The following PCDHGA10 variants were observed in gnomAD, a reference collection of about 807,000 sequenced individuals.
PCDHGA10 encodes the protein protocadherin gamma subfamily A, 10, also known as protocadherin gamma-A10.
Under a neutral mutation model 59.5 loss-of-function variants are expected in PCDHGA10, and 42 were observed. The observed-to-expected ratio is 0.71, with a 90% CI of 0.55 to 0.91. PCDHGA10 has a LOEUF of 0.91. Among genes scored for constraint, PCDHGA10 ranks in the 40% least tolerant of loss-of-function variants. The probability of loss-of-function intolerance (pLI) is 0.00; values close to 1 mark genes in which losing one functional copy is unlikely to be tolerated. For synonymous variants in PCDHGA10, 511 were observed against 517.2 expected (o/e 0.99, Z 0.16); for missense variants, 1,111 against 1,198.2 (o/e 0.93, Z 1.07).
At position 141,477,372 on chromosome 5, in the gene PCDHGA10, CTG is replaced by C; in HGVS notation, c.2437-17432_2437-17431del. On this transcript the variant is annotated intron_variant, in intron 1 of 3. Transcript: ENST00000398610. This position sits in a 1 kb window ranked among gnomAD's most constrained non-coding sequence, Gnocchi z 4.9. ...ACCAGTGCAGACCTGGATCGGGAGA[CTG>C]TGCCAGAATACAACCTCAGCATCAC... The C allele has an allele frequency of 6.2e-7, 1 of 1,614,154 alleles. No homozygotes were observed. The highest frequency in any genetic ancestry group is 8.5e-7 in the Non-Finnish European group (1 of 1,180,030).
intron 1 of PCDHGA10, chr5:141,478,531 C>G (rs771145308): frequency 1.2e-6 from 2 of 1,608,190 alleles, no homozygotes; most frequent in East Asian, 2.2e-5. Context: ...GTGCAGAGAG[C>G]GCCCCTCCCG....
chr5:141,434,474 A>G (rs979175338), intron 1 of PCDHGA10, among the ~76,000 whole-genome samples: 2 of 152,222 alleles, frequency 1.3e-5, no homozygotes, highest in Non-Finnish European at 2.9e-5. Context: ...GAATGAGGGC[A>G]AGGAACACCT....
At chr5:141,421,351 A>G in intron 1 of PCDHGA10, 2 of 1,613,988 alleles carry the variant, frequency 1.2e-6, no homozygotes, top group Non-Finnish European at 1.7e-6. Flanking sequence ...AGAGACCGAA[A>G]AGGGCTCCTT....
At chr5:141,501,600 C>G (rs1320824291) in intron 2 of PCDHGA10, among the ~76,000 whole-genome samples, 1 of 152,040 alleles carries the variant, frequency 6.6e-6, no homozygotes, top group Admixed American at 6.6e-5. Flanking sequence ...TCTACCAGTT[C>G]CAGCTGTGTG....
At chr5:141,458,319 T>C (rs2879229) in intron 1 of PCDHGA10, among the ~76,000 whole-genome samples, 84,591 of 151,864 alleles carry the variant, frequency 0.56, 26,265 homozygotes, top group African/African-American at 0.85. Flanking sequence ...CACAGACACA[T>C]GTGGAGTGGT....
chr5:141,479,574 T>A (rs1291334449), intron 1 of PCDHGA10: 1 of 152,228 alleles, frequency 6.6e-6, no homozygotes, highest in South Asian at 2.1e-4. Context: ...GGATGACATC[T>A]GTGAATAGCC....
In PCDHGA10 at chr5:141,413,412, C is replaced by T. The variant is rs747352426; in HGVS notation, c.237C>T (p.Phe79=). ...TCTCCAGAGGTAGGACGCAGCTTTT[C>T]TCTCTGAACCCGCGCAGCGGCAGCT... The part of the protein sequence containing the change: ...RIVSRGRTQL[F]SLNPRSGSLI... The change falls in exon 1 of 4, where the codon TTC becomes TTT. Residue 79 remains phenylalanine (F), a synonymous_variant. Transcript: ENST00000398610. 5.6e-6 allele frequency: 9 copies of T among 1,613,954 alleles called. No individual in the cohort carries two copies. The African/African-American group carries it at 1.2e-4, about 22-fold the overall frequency.
At chr5:141,465,150 G>A (rs192648619) in intron 1 of PCDHGA10, among the ~76,000 whole-genome samples, 474 of 151,492 alleles carry the variant, frequency 3.1e-3, no homozygotes, top group Middle Eastern at 0.024. Context: ...GATATATGAA[G>A]GGACTCTAAA....
intron 1 of PCDHGA10, among the ~76,000 whole-genome samples, chr5:141,447,123 T>G (rs1004463863): frequency 1.3e-5 from 2 of 152,160 alleles, no homozygotes; most frequent in Non-Finnish European, 2.9e-5. Flanking sequence ...CCATGGATTT[T>G]TTTGTTTGTT....
intron 1 of PCDHGA10, chr5:141,433,358 C>CCTATCTATCTATCTATCTATCTAT: frequency 9.9e-6 from 5 of 503,368 alleles, no homozygotes; most frequent in South Asian, 2.6e-5. Flanking sequence ...CTACTGTCTG[C>CCTATCTATCTATCTATCTATCTAT]CTATCTATCT....
At position 141,414,596 on chromosome 5, in the gene PCDHGA10, C is replaced by T; in HGVS notation, c.1421C>T (p.Ser474Phe). The T allele has an allele frequency of 6.2e-7, 1 of 1,613,962 alleles. No homozygotes were observed. The highest frequency in any genetic ancestry group is 8.5e-7 in the Non-Finnish European group (1 of 1,179,886). Residue 474 changes from serine (S) to phenylalanine (F), a missense_variant, in exon 1 of 4, where the codon TCC (serine) becomes TTC (phenylalanine). Ser to Phe is a radical substitution (Grantham distance 155, BLOSUM62 -2). Coordinates refer to ENST00000398610, the MANE Select transcript of PCDHGA10 (RefSeq NM_018913.3). ...CCAGAGAACAACGCCAGGGGTGCCTCCATCTTCTCAGTGACAGCGCTGGAC... is the reference window on the plus strand; with the variant it reads ...CCAGAGAACAACGCCAGGGGTGCCTTCATCTTCTCAGTGACAGCGCTGGAC... ...YIPENNARGASIFSVTALDPD... is the reference protein window; with the variant it reads ...YIPENNARGAFIFSVTALDPD...
At chr5:141,429,924 A>T (rs2097252885) in intron 1 of PCDHGA10, among the ~76,000 whole-genome samples, 1 of 152,210 alleles carries the variant, frequency 6.6e-6, no homozygotes, top group Admixed American at 6.5e-5. Context: ...GTATTAATAG[A>T]ATTCTGGAGT....
intron 1 of PCDHGA10, chr5:141,423,068 A>T: frequency 6.2e-7 from 1 of 1,614,090 alleles, no homozygotes; most frequent in Non-Finnish European, 8.5e-7. Context: ...AAGGCCAGCG[A>T]GCCGGGACTC....
rs962136728 is a variant in PCDHGA10 at position 141,491,524 on chromosome 5, G to A, written c.2437-3283G>A. 1 of 1,613,960 alleles carries A rather than the reference G, an allele frequency of 6.2e-7. No homozygotes were observed. The highest frequency in any genetic ancestry group is 1.3e-5 in the African/African-American group (1 of 74,936). On this transcript the variant is annotated intron_variant, in intron 1 of 3. Coordinates refer to ENST00000398610, the MANE Select transcript of PCDHGA10 (RefSeq NM_018913.3). The surrounding 1 kb of genome is among the most constrained non-coding windows in gnomAD (Gnocchi z 6.9). ...GGACGGCACGCTCAAGTACATGGAG[G>A]TGACGCTGCGGCCCACAGACTCGCA...
At chr5:141,445,471 T>A (rs533909401) in intron 1 of PCDHGA10, among the ~76,000 whole-genome samples, 17 of 152,204 alleles carry the variant, frequency 1.1e-4, no homozygotes, top group Non-Finnish European at 2.4e-4. Context: ...AAGGCATATA[T>A]GATTCCTGAG....
Position 141,511,229 on chromosome 5 carries a change from T to G in PCDHGA10, c.*56T>G. 6.3e-7 allele frequency: 1 copy of G among 1,598,500 alleles called. No homozygotes were observed. Among genetic ancestry groups the G allele is most frequent in the Non-Finnish European group, 8.5e-7 (1 of 1,172,476 alleles). On this transcript the variant is annotated 3_prime_UTR_variant, in exon 4 of 4. Transcript: ENST00000398610. ...GCCTCTCCCCAACCAGCCCAGCTTC[T>G]CCTTACCTGCACCCAGGCCTCAGAG...
chr5:141,475,981 G>A, intron 1 of PCDHGA10: 1 of 1,042,940 alleles, frequency 9.6e-7, no homozygotes, highest in Non-Finnish European at 1.4e-6. Context: ...CTGAACAGCC[G>A]GCGAGCAAAT....
chr5:141,415,690 G>C (rs1218128531), intron 1 of PCDHGA10, 79 bp downstream of exon 1: 4 of 1,512,972 alleles, frequency 2.6e-6, no homozygotes, highest in Non-Finnish European at 3.6e-6. Context: ...CATGATGGTG[G>C]AAAGTGTAAA....
chr5:141,473,763 GGATTTGGT>G (rs1358359618), intron 1 of PCDHGA10, among the ~76,000 whole-genome samples: 73 of 152,322 alleles, frequency 4.8e-4, no homozygotes, highest in African/African-American at 1.7e-3. Context: ...ACTATGCAAA[GGATTTGGT>G]ATTTTAATTC....
Sources: allele counts gnomAD v4.1 joint callset (sites outside exome capture counted in the v4.1 genomes callset), GRCh38; gene constraint gnomAD v4.1.1; non-coding constraint Gnocchi (gnomAD v3.1); transcripts MANE v1.5; gene names NCBI Gene and HGNC (gene_info 2026-07-23, HGNC 2026-07-21).